TMTC2: variants seen among roughly 807,000 people sequenced by gnomAD.
The protein encoded by TMTC2 is protein O-mannosyl-transferase TMTC2.
In TMTC2, 43 loss-of-function variants were observed where a neutral mutation model predicts 82.4. The observed-to-expected ratio is 0.52, with a 90% CI of 0.41 to 0.67. TMTC2 has a LOEUF of 0.67. Among genes scored for constraint, TMTC2 ranks in the 30% least tolerant of loss-of-function variants. TMTC2 has a pLI of 0.00. For synonymous variants in TMTC2, 408 were observed against 381.9 expected, an observed-to-expected ratio of 1.07 and a Z score of -0.80; for missense variants, 919 against 1,012.4, an observed-to-expected ratio of 0.91 and a Z score of 1.25.
chr12:82,741,398 C>T (rs1875399403), intron 1 of TMTC2, among the ~76,000 whole-genome samples: 1 of 152,148 alleles, frequency 6.6e-6, no homozygotes, highest in African/African-American at 2.4e-5. Flanking sequence ...GCAACCTCCA[C>T]CTCCCAGCTA....
chr12:83,013,627 G>C (rs1420288777), intron 8 of TMTC2, among the ~76,000 whole-genome samples: 1 of 152,098 alleles, frequency 6.6e-6, no homozygotes, highest in Non-Finnish European at 1.5e-5. Flanking sequence ...ATACTCATCT[G>C]TAGCCATTTA....
chr12:83,020,910 T>C (rs1880889102), intron 8 of TMTC2, among the ~76,000 whole-genome samples: 1 of 152,198 alleles, frequency 6.6e-6, no homozygotes, highest in South Asian at 2.1e-4. Flanking sequence ...TGTTTATACC[T>C]TAAAATCTAT....
chr12:83,083,060 A>T (rs999039896), intron 11 of TMTC2, among the ~76,000 whole-genome samples: 1 of 152,208 alleles, frequency 6.6e-6, no homozygotes, highest in African/African-American at 2.4e-5. Context: ...CTGTAAAAGG[A>T]GGTGGTAATA....
chr12:83,129,579 G>A (rs773479370), intron 11 of TMTC2, among the ~76,000 whole-genome samples: 1 of 152,116 alleles, frequency 6.6e-6, no homozygotes, highest in Non-Finnish European at 1.5e-5. Context: ...TGGCATGATC[G>A]ACTTTACCAT....
At chr12:82,905,644 G>T (rs1874251176) in intron 3 of TMTC2, among the ~76,000 whole-genome samples, 1 of 152,046 alleles carries the variant, frequency 6.6e-6, no homozygotes, top group African/African-American at 2.4e-5. Context: ...TACCTTTTTA[G>T]ATATAGAAAA....
chr12:83,061,961 C>T (rs992970600), intron 11 of TMTC2, 130 bp downstream of exon 11: 6 of 665,040 alleles, frequency 9.0e-6, no homozygotes, highest in East Asian at 2.9e-5. Context: ...TTCTCCCTTT[C>T]TCTCTCTGAG....
chr12:82,907,737 G>A (rs921014870), intron 3 of TMTC2, among the ~76,000 whole-genome samples: 2 of 152,098 alleles, frequency 1.3e-5, no homozygotes. Flanking sequence ...ATTTATCACG[G>A]TTTATATGCT....
chr12:83,008,905 T>G (rs910758775), intron 8 of TMTC2, among the ~76,000 whole-genome samples: 24 of 152,164 alleles, frequency 1.6e-4, no homozygotes, highest in African/African-American at 5.8e-4. Context: ...CTCTGAGAGA[T>G]GCTGTCTTGA....
chr12:83,019,870 A>G (rs901643233), intron 8 of TMTC2, among the ~76,000 whole-genome samples: 5 of 152,080 alleles, frequency 3.3e-5, no homozygotes, highest in Admixed American at 2.6e-4. Context: ...GCATCTTAGT[A>G]TGACTGATAA....
chr12:82,896,440 T>A lies in TMTC2; in HGVS notation c.1277T>A (p.Ile426Asn). ...GTAATTGCAGAGCGAGTATTATATA[T>A]TCCTAGTATGGGCTTCTGCCTACTG... ...GFVIAERVLY[I>N]PSMGFCLLIT... is the part of the protein sequence containing the mutation. The change falls in exon 3 of 12, where the codon ATT (isoleucine) becomes AAT (asparagine). Residue 426 changes from isoleucine to asparagine, a missense_variant. Transcript: ENST00000321196. 6.2e-7 allele frequency: 1 copy of A among 1,614,202 alleles called. No homozygotes were observed. Among genetic ancestry groups the A allele is most frequent in the South Asian group, 1.1e-5 (1 of 91,082 alleles).
intron 2 of TMTC2, among the ~76,000 whole-genome samples, chr12:82,864,008 A>G (rs1245560765): frequency 6.6e-6 from 1 of 152,092 alleles, no homozygotes; most frequent in Non-Finnish European, 1.5e-5. Context: ...GAGACATTTG[A>G]GTAGAACCTT....
At chr12:82,880,362 T>C (rs781048805) in intron 2 of TMTC2, among the ~76,000 whole-genome samples, 49 of 152,182 alleles carry the variant, frequency 3.2e-4, no homozygotes, top group South Asian at 2.1e-4. Flanking sequence ...ATCCTTTACT[T>C]TTATTAAGGT....
At chr12:82,989,546 T>A (rs1418714983) in intron 8 of TMTC2, among the ~76,000 whole-genome samples, 1 of 151,772 alleles carries the variant, frequency 6.6e-6, no homozygotes, top group Non-Finnish European at 1.5e-5. Context: ...AGATGTCTAA[T>A]TCATTGCCCA....
intron 2 of TMTC2, among the ~76,000 whole-genome samples, chr12:82,857,808 T>C (rs1871338097): frequency 2.0e-5 from 3 of 152,240 alleles, no homozygotes; most frequent in Admixed American, 2.0e-4. Context: ...TCAAGGGTGG[T>C]AGAAGAATAA....
At position 82,816,139 on chromosome 12, in the gene TMTC2, GCTAT is replaced by G. The variant is rs1333712861; in HGVS notation, c.84-40868_84-40865del. The stretch of plus-strand genomic sequence containing the variant: ...TACAAATTTTTGTTGAGTCGAATGT[GCTAT>G]CTTTTTTTTTTTTTTTCTAATTCTT... On this transcript the variant is annotated intron_variant, in intron 1 of 11. Transcript: ENST00000321196. 7.4e-5 allele frequency among the ~76,000 whole-genome samples: 11 copies of G among 149,402 alleles called. No individual in the cohort carries two copies. In the East Asian group the frequency reaches 7.8e-4, roughly 11 times the overall value.
At position 82,896,160 on chromosome 12, in the gene TMTC2, G is replaced by C. The variant is rs138363219; in HGVS notation, c.997G>C (p.Val333Leu). 3.7e-6 allele frequency: 6 copies of C among 1,613,802 alleles called. No individual in the cohort carries two copies. In the African/African-American group the frequency reaches 8.0e-5, roughly 22 times the overall value. Residue 333 changes from valine to leucine, a missense_variant, in exon 3 of 12, where the codon GTA becomes CTA. By Grantham distance (32) the Val-to-Leu change is conservative. Coordinates refer to ENST00000321196, the MANE Select transcript of TMTC2 (RefSeq NM_152588.3). Reference protein sequence around the residue: ...LAYYGLKSPSVDRECNGKTVT... With the variant: ...LAYYGLKSPSLDRECNGKTVT... ...CTACTATGGTTTGAAGAGCCCGAGC[G>C]TAGACAGAGAATGCAATGGGAAAAC...
intron 1 of TMTC2, among the ~76,000 whole-genome samples, chr12:82,728,016 A>G (rs1257290472): frequency 1.3e-5 from 2 of 152,160 alleles, no homozygotes; most frequent in Non-Finnish European, 2.9e-5. Flanking sequence ...ACATCGTGGC[A>G]GAGCCATGGC....
At chr12:82,832,805 A>T (rs1342699157) in intron 1 of TMTC2, among the ~76,000 whole-genome samples, 2 of 152,206 alleles carry the variant, frequency 1.3e-5, no homozygotes, top group Admixed American at 6.5e-5. Context: ...TAGCTTTTTT[A>T]AAAGGAGGAA....
intron 2 of TMTC2, among the ~76,000 whole-genome samples, chr12:82,872,567 T>C (rs12315868): frequency 0.066 from 10,095 of 152,242 alleles, 1,139 homozygotes; most frequent in African/African-American, 0.23. Context: ...TTGCTTTATA[T>C]GGGAAATAAT....
Sources: gnomAD v4.1 joint callset for allele counts (sites outside exome capture counted in the v4.1 genomes callset) on GRCh38, gnomAD v4.1.1 for gene constraint, MANE v1.5 for transcripts, NCBI Gene and HGNC (gene_info 2026-07-23, HGNC 2026-07-21) for gene names.